Variants in MSI2 observed in about 807,000 individuals in gnomAD.
The protein encoded by MSI2 is musashi RNA binding protein 2, also known as RNA-binding protein Musashi homolog 2.
In MSI2, 17 loss-of-function variants were observed where a neutral mutation model predicts 45.6. That is an observed-to-expected ratio of 0.37 (90% CI 0.26 to 0.56). The LOEUF (loss-of-function observed/expected upper bound fraction) is 0.56, where lower values mean the gene tolerates loss of function less well. Ranked by LOEUF, MSI2 falls within the 20% of genes least tolerant of loss-of-function variation. The pLI is 0.77. For missense variants in MSI2, 293 were observed against 444.2 expected (o/e 0.66, Z 3.06); for synonymous variants, 156 against 158.2 (o/e 0.99, Z 0.11).
intron 5 of MSI2, among the ~76,000 whole-genome samples, chr17:57,319,811 C>T (rs1461759059): frequency 1.3e-5 from 2 of 152,126 alleles, no homozygotes; most frequent in Non-Finnish European, 2.9e-5. Context: ...ATAGGGTCTT[C>T]CCATGTCATC....
intron 7 of MSI2, among the ~76,000 whole-genome samples, chr17:57,578,462 G>A (rs1314461168): frequency 6.6e-6 from 1 of 151,908 alleles, no homozygotes; most frequent in Non-Finnish European, 1.5e-5. Flanking sequence ...CTTTCTGCTT[G>A]AGAGGTGCCA....
chr17:57,448,772 A>T (rs1216658557), intron 6 of MSI2: 1 of 152,138 alleles, frequency 6.6e-6, no homozygotes, highest in African/African-American at 2.4e-5. Flanking sequence ...GCAGCAAGGG[A>T]AGCCTAGAGA....
At chr17:57,668,514 G>A (rs1912541393) in intron 11 of MSI2, among the ~76,000 whole-genome samples, 1 of 152,126 alleles carries the variant, frequency 6.6e-6, no homozygotes, top group South Asian at 2.1e-4. Flanking sequence ...TAAGTTTTGA[G>A]AACAAGCAGA....
At chr17:57,643,486 C>T (rs564352407) in intron 10 of MSI2, among the ~76,000 whole-genome samples, 8 of 152,338 alleles carry the variant, frequency 5.3e-5, no homozygotes, top group Admixed American at 2.0e-4. Flanking sequence ...ACAGGTGCTC[C>T]GCTGTGTTTC....
At chr17:57,638,858 T>C (rs1413607515) in intron 10 of MSI2, among the ~76,000 whole-genome samples, 1 of 152,160 alleles carries the variant, frequency 6.6e-6, no homozygotes, top group East Asian at 1.9e-4. Flanking sequence ...GCTGTGATTG[T>C]GCCACTGCAT....
At chr17:57,504,184 C>T (rs958238271) in intron 6 of MSI2, among the ~76,000 whole-genome samples, 1 of 152,162 alleles carries the variant, frequency 6.6e-6, no homozygotes, top group Admixed American at 6.5e-5. Flanking sequence ...CTCTCGGTTC[C>T]GCCTCTTCCT....
chr17:57,693,031 T>A, the MSI2 span, among the ~76,000 whole-genome samples: 14 of 152,230 alleles, frequency 9.2e-5, no homozygotes. Context: ...TTCAGATATT[T>A]CCTCTGTCCC....
At chr17:57,650,162 C>G (rs1911024360) in intron 10 of MSI2, among the ~76,000 whole-genome samples, 1 of 152,070 alleles carries the variant, frequency 6.6e-6, no homozygotes. Flanking sequence ...AGAAAATGGA[C>G]CTTTTCTTAA....
intron 6 of MSI2, among the ~76,000 whole-genome samples, chr17:57,466,138 T>G (rs1008140511): frequency 1.3e-5 from 2 of 152,060 alleles, no homozygotes; most frequent in South Asian, 4.1e-4. Flanking sequence ...GAGTCCCCCG[T>G]AATTAGGGGA....
intron 5 of MSI2, among the ~76,000 whole-genome samples, chr17:57,355,982 C>G (rs766558240): frequency 6.6e-6 from 1 of 152,160 alleles, no homozygotes; most frequent in African/African-American, 2.4e-5. Flanking sequence ...AAGCAATTCT[C>G]CCTGCCCCAG....
chr17:57,682,767 CT>C lies in MSI2; in HGVS notation c.*3254del. The C allele has an allele frequency of 1.3e-5, 3 of 222,986 alleles. No individual in the cohort carries two copies. Among genetic ancestry groups the C allele is most frequent in the Non-Finnish European group, 2.7e-5 (3 of 111,696 alleles). The allele number at this position is 222,986 out of a possible 1,614,324, so 13.8% of individuals were successfully genotyped here. A position where few individuals can be genotyped will look rare whatever the true frequency, so the allele number is the denominator to read the frequency against. On this transcript the variant is annotated 3_prime_UTR_variant, in exon 14 of 14. Coordinates refer to ENST00000284073, the MANE Select transcript of MSI2 (RefSeq NM_138962.4). ...GGGGAGAAACCCTCTTGGCTGATGG[CT>C]TTTCCCCGGAATTATCAAACAGCCA...
At chr17:57,352,542 A>T (rs1249238282) in intron 5 of MSI2, among the ~76,000 whole-genome samples, 1 of 152,226 alleles carries the variant, frequency 6.6e-6, no homozygotes, top group East Asian at 1.9e-4. Context: ...TCGGACTCAC[A>T]CACTGAGCAG....
intron 9 of MSI2, among the ~76,000 whole-genome samples, chr17:57,622,280 A>T (rs180697063): frequency 1.8e-3 from 268 of 149,644 alleles, no homozygotes; most frequent in African/African-American, 6.5e-3. Flanking sequence ...GCCCACAGTT[A>T]TCCAGCTCAA....
downstream of MSI2, among the ~76,000 whole-genome samples, chr17:57,688,886 T>A (rs974411769): frequency 3.3e-5 from 5 of 152,286 alleles, no homozygotes; most frequent in Non-Finnish European, 5.9e-5. Context: ...ATTTAAAAAT[T>A]TTTTTAAGTG....
In MSI2 at chr17:57,280,111, G is replaced by A. The variant is rs1388467965; in HGVS notation, c.312+17919G>A. The A allele has an allele frequency of 2.0e-5, 3 of 152,242 alleles. No homozygotes were observed. The highest frequency in any genetic ancestry group is 7.2e-5 in the African/African-American group (3 of 41,418). The allele number at this position is 152,242 out of a possible 1,614,324, so 9.4% of individuals were successfully genotyped here. A position where few individuals can be genotyped will look rare whatever the true frequency, so the allele number is the denominator to read the frequency against. ...TTGATGTAGGGAGGGAAGTAGCAGG[G>A]TGCATTTCATGTGCTGAGGGAAGAG... On this transcript the variant is annotated intron_variant, in intron 5 of 13. Coordinates refer to ENST00000284073, the MANE Select transcript of MSI2 (RefSeq NM_138962.4). This position sits in a 1 kb window ranked among gnomAD's most constrained non-coding sequence, Gnocchi z 4.2.
At chr17:57,637,316 C>T (rs555577332) in intron 10 of MSI2, among the ~76,000 whole-genome samples, 4 of 152,330 alleles carry the variant, frequency 2.6e-5, no homozygotes, top group Non-Finnish European at 5.9e-5. Context: ...CGAGGCTCGT[C>T]GGGGCTGTGG....
At chr17:57,313,119 A>T (rs1598106125) in intron 5 of MSI2, among the ~76,000 whole-genome samples, 1 of 152,184 alleles carries the variant, frequency 6.6e-6, no homozygotes. Flanking sequence ...TGCTGGGATT[A>T]CAGTCGTGAG....
chr17:57,277,429 C>T (rs886248218), intron 5 of MSI2, among the ~76,000 whole-genome samples: 1 of 152,144 alleles, frequency 6.6e-6, no homozygotes, highest in African/African-American at 2.4e-5. Context: ...AAGTTCCAGT[C>T]CTAGCAGGAG....
At chr17:57,568,488 C>G (rs1455250152) in intron 7 of MSI2, among the ~76,000 whole-genome samples, 1 of 152,146 alleles carries the variant, frequency 6.6e-6, no homozygotes, top group African/African-American at 2.4e-5. Context: ...GGATATGAGG[C>G]CTGTAGAAGG....
Sources: gnomAD v4.1 joint callset for allele counts (sites outside exome capture counted in the v4.1 genomes callset) on GRCh38, gnomAD v4.1.1 for gene constraint, Gnocchi (gnomAD v3.1) non-coding constraint, MANE v1.5 for transcripts, NCBI Gene and HGNC (gene_info 2026-07-23, HGNC 2026-07-21) for gene names.